L3MBTL3: variants seen among roughly 807,000 people sequenced by gnomAD.
L3MBTL3 encodes the protein L3MBTL histone methyl-lysine binding protein 3.
In L3MBTL3, 27 loss-of-function variants were observed where a neutral mutation model predicts 102.3. That is an observed-to-expected ratio of 0.26 (90% confidence interval 0.19 to 0.36). L3MBTL3 has a LOEUF of 0.36. Among genes scored for constraint, L3MBTL3 ranks in the 10% least tolerant of loss-of-function variants. L3MBTL3 has a pLI of 1.00. For missense variants in L3MBTL3, 798 were observed against 955.3 expected, an observed-to-expected ratio of 0.84 and a Z score of 2.17; for synonymous variants, 340 against 320.9, an observed-to-expected ratio of 1.06 and a Z score of -0.64.
intron 2 of L3MBTL3, among the ~76,000 whole-genome samples, chr6:130,035,974 C>T (rs1475090338): frequency 3.1e-5 from 3 of 97,440 alleles, no homozygotes; most frequent in African/African-American, 1.3e-4. Context: ...CTCTTACCTA[C>T]CTGTTTTGTG....
chr6:130,067,098 A>G (rs1172307384), intron 11 of L3MBTL3, among the ~76,000 whole-genome samples: 1 of 152,096 alleles, frequency 6.6e-6, no homozygotes, highest in Non-Finnish European at 1.5e-5. Flanking sequence ...CGTCTTTTTC[A>G]CTGTCTGCCT....
At chr6:130,125,214 G>A (rs1321007393) in intron 20 of L3MBTL3, among the ~76,000 whole-genome samples, 3 of 152,164 alleles carry the variant, frequency 2.0e-5, no homozygotes, top group Non-Finnish European at 4.4e-5. Flanking sequence ...ATTTTGTGAT[G>A]TTGTCAACAT....
chr6:130,133,787 G>A lies in L3MBTL3; in HGVS notation c.2137-56G>A. ...ATGGGTTAAATGTTTTGAACCTGTA[G>A]CATTTAGATTCTGACTGTGTTTTTT... On this transcript the variant is annotated intron_variant, in intron 21 of 22. Coordinates refer to ENST00000361794, the MANE Select transcript of L3MBTL3 (RefSeq NM_032438.4). The surrounding 1 kb of genome is among the most constrained non-coding windows in gnomAD (Gnocchi z 4.9). 2.0e-6 allele frequency: 3 copies of A among 1,510,782 alleles called. No individual in the cohort carries two copies. The highest frequency in any genetic ancestry group is 2.8e-6 in the Non-Finnish European group (3 of 1,087,110). The allele number at this position is 1,510,782 out of a possible 1,614,324, so 93.6% of individuals were successfully genotyped here. A position where few individuals can be genotyped will look rare whatever the true frequency, so the allele number is the denominator to read the frequency against.
chr6:130,097,984 T>C (rs1784457521), intron 18 of L3MBTL3, among the ~76,000 whole-genome samples: 1 of 152,058 alleles, frequency 6.6e-6, no homozygotes, highest in South Asian at 2.1e-4. Context: ...GGAGAATCAC[T>C]TGAACCCAGG....
intron 13 of L3MBTL3, among the ~76,000 whole-genome samples, chr6:130,073,039 G>A (rs73780204): frequency 0.02 from 2,981 of 152,066 alleles, 108 homozygotes; most frequent in African/African-American, 0.069. Context: ...CTTATTTACT[G>A]TGTTCTTCTG....
intron 19 of L3MBTL3, among the ~76,000 whole-genome samples, chr6:130,112,956 G>A (rs1328521330): frequency 6.6e-6 from 1 of 152,172 alleles, no homozygotes; most frequent in Non-Finnish European, 1.5e-5. Context: ...CCTCACTGTG[G>A]ACAGTGGCAG....
intron 8 of L3MBTL3, among the ~76,000 whole-genome samples, chr6:130,055,577 T>A (rs1781431729): frequency 9.3e-6 from 1 of 107,694 alleles, no homozygotes. Flanking sequence ...TCTCCCTCCC[T>A]CCTTCTCTCC....
chr6:130,132,636 C>A (rs17058390), intron 20 of L3MBTL3, among the ~76,000 whole-genome samples: 2 of 152,040 alleles, frequency 1.3e-5, no homozygotes, highest in African/African-American at 4.8e-5. Flanking sequence ...CATAAGGAGA[C>A]GACGATTGAC....
intron 14 of L3MBTL3, among the ~76,000 whole-genome samples, chr6:130,080,675 T>C (rs1783282139): frequency 3.9e-5 from 6 of 151,946 alleles, no homozygotes; most frequent in Admixed American, 3.9e-4. Flanking sequence ...AAAAAAAAAA[T>C]AGCTTTTTGA....
chr6:130,072,497 A>G (rs1782702901), intron 13 of L3MBTL3, among the ~76,000 whole-genome samples: 1 of 152,232 alleles, frequency 6.6e-6, no homozygotes, highest in South Asian at 2.1e-4. Flanking sequence ...TCTGCAGAGC[A>G]TAATTTTTCC....
chr6:130,122,842 G>T (rs564658582), intron 20 of L3MBTL3, among the ~76,000 whole-genome samples: 1 of 152,202 alleles, frequency 6.6e-6, no homozygotes, highest in East Asian at 1.9e-4. Context: ...CCTCAGTTTC[G>T]TCTTGTGTAA....
chr6:130,129,465 C>G (rs1786857733), intron 20 of L3MBTL3, among the ~76,000 whole-genome samples: 1 of 152,114 alleles, frequency 6.6e-6, no homozygotes, highest in Admixed American at 6.5e-5. Flanking sequence ...TAAAATTTAT[C>G]AGATTGTTGA....
chr6:130,083,777 A>C (rs1294498437), intron 15 of L3MBTL3, 72 bp downstream of exon 15: 1 of 746,914 alleles, frequency 1.3e-6, no homozygotes, highest in Non-Finnish European at 2.2e-6. Context: ...ACAGAACAAG[A>C]TGGTATTAGT....
intron 18 of L3MBTL3, among the ~76,000 whole-genome samples, chr6:130,099,746 AT>A (rs1454717357): frequency 6.6e-6 from 1 of 152,200 alleles, no homozygotes; most frequent in East Asian, 1.9e-4. Flanking sequence ...ATCAGATAAG[AT>A]TATTTACAAA....
chr6:130,019,139 GTGGC>G (rs1264318041), intron 1 of L3MBTL3, among the ~76,000 whole-genome samples: 1 of 151,506 alleles, frequency 6.6e-6, no homozygotes, highest in Non-Finnish European at 1.5e-5. Flanking sequence ...CGGGATGCGT[GTGGC>G]CCCCTCCCCC....
chr6:130,080,282 A>C (rs1783248948), intron 14 of L3MBTL3, among the ~76,000 whole-genome samples: 1 of 151,748 alleles, frequency 6.6e-6, no homozygotes, highest in Non-Finnish European at 1.5e-5. Flanking sequence ...AAAAGAAAGC[A>C]AGGTATTAAT....
In L3MBTL3 at chr6:130,093,000, T is replaced by G. The variant is rs923177718; in HGVS notation, c.1633+141T>G. The G allele has an allele frequency of 5.9e-6, 3 of 504,638 alleles. No individual in the cohort carries two copies. In the Admixed American group the frequency reaches 1.1e-4, roughly 19 times the overall value. The allele number at this position is 504,638 out of a possible 1,614,324, so 31.3% of individuals were successfully genotyped here. On this transcript the variant is annotated intron_variant, in intron 17 of 22. Transcript: ENST00000361794. The stretch of plus-strand genomic sequence containing the variant: ...TGTAATCCCTTCCTTTTACTACATT[T>G]TAATTACCACGGTCACAGAAATATA...
At chr6:130,085,084 C>T (rs922798265) in intron 15 of L3MBTL3, among the ~76,000 whole-genome samples, 2 of 152,152 alleles carry the variant, frequency 1.3e-5, no homozygotes. Flanking sequence ...CCCACCTCGG[C>T]CTCCCAAAGT....
intron 19 of L3MBTL3, among the ~76,000 whole-genome samples, chr6:130,120,624 T>C (rs1275128195): frequency 6.6e-6 from 1 of 152,262 alleles, no homozygotes; most frequent in Admixed American, 6.5e-5. Context: ...TAGCTACATT[T>C]TCCAGAATAG....
Sources: gnomAD v4.1 joint callset for allele counts (sites outside exome capture counted in the v4.1 genomes callset) on GRCh38, gnomAD v4.1.1 for gene constraint, Gnocchi (gnomAD v3.1) non-coding constraint, MANE v1.5 for transcripts, NCBI Gene and HGNC (gene_info 2026-07-23, HGNC 2026-07-21) for gene names.